MAP7: variants seen among roughly 807,000 people sequenced by gnomAD.
The protein encoded by MAP7 is microtubule associated protein 7, also known as ensconsin.
Under a neutral mutation model 94.8 loss-of-function variants are expected in MAP7, and 52 were observed. The observed-to-expected ratio is 0.55, with a 90% confidence interval of 0.44 to 0.69. The LOEUF (loss-of-function observed/expected upper bound fraction) is 0.69, where lower values mean the gene tolerates loss of function less well. MAP7 is among the 30% of genes least tolerant of loss of function. MAP7 has a pLI of 0.00. For missense variants in MAP7, 940 were observed against 964.6 expected (o/e 0.97, Z 0.34); for synonymous variants, 350 against 357.0 (o/e 0.98, Z 0.22).
At chr6:136,412,979 G>A (rs1004550681) in intron 2 of MAP7, among the ~76,000 whole-genome samples, 3 of 151,910 alleles carry the variant, frequency 2.0e-5, no homozygotes, top group Non-Finnish European at 2.9e-5. Context: ...TGAGCAACAC[G>A]GTGAAACCGT....
intron 1 of MAP7, among the ~76,000 whole-genome samples, chr6:136,423,831 T>C (rs1792282371): frequency 6.6e-6 from 1 of 151,676 alleles, no homozygotes; most frequent in Non-Finnish European, 1.5e-5. Context: ...GTTTCGCTCT[T>C]GTTGCCCAGG....
At chr6:136,397,687 C>T (rs893942896) in intron 3 of MAP7, among the ~76,000 whole-genome samples, 1 of 152,104 alleles carries the variant, frequency 6.6e-6, no homozygotes, top group African/African-American at 2.4e-5. Flanking sequence ...GAAGAGAGCC[C>T]TCAACAGAAG....
chr6:136,542,578 A>G (rs1389116368), intron 1 of MAP7, among the ~76,000 whole-genome samples: 1 of 152,228 alleles, frequency 6.6e-6, no homozygotes, highest in Non-Finnish European at 1.5e-5. Context: ...AACAGAGACC[A>G]TTAAGGAGGA....
intron 1 of MAP7, among the ~76,000 whole-genome samples, chr6:136,427,037 C>T (rs1022371876): frequency 1.3e-5 from 2 of 152,270 alleles, no homozygotes; most frequent in Non-Finnish European, 1.5e-5. Context: ...GGTTCTTCCA[C>T]TTACCCGTAT....
At chr6:136,505,967 G>T (rs1000426922) in intron 1 of MAP7, among the ~76,000 whole-genome samples, 1 of 152,052 alleles carries the variant, frequency 6.6e-6, no homozygotes, top group Non-Finnish European at 1.5e-5. Context: ...TAAACATGCT[G>T]ATGTAACAAA....
chr6:136,447,481 C>T (rs1460659933), intron 1 of MAP7, among the ~76,000 whole-genome samples: 2 of 64,764 alleles, frequency 3.1e-5, no homozygotes, highest in African/African-American at 7.3e-5. Context: ...ATTTATGTTA[C>T]TGCATTATGC....
intron 3 of MAP7, among the ~76,000 whole-genome samples, chr6:136,391,519 T>A (rs2128669374): frequency 6.7e-6 from 1 of 148,170 alleles, no homozygotes; most frequent in South Asian, 2.2e-4. Context: ...ACCTGCACAA[T>A]GTGCACATGT....
At chr6:136,372,336 C>CACT (rs1774779735) in intron 8 of MAP7, among the ~76,000 whole-genome samples, 165 bp downstream of exon 8, 1 of 152,146 alleles carries the variant, frequency 6.6e-6, no homozygotes, top group South Asian at 2.1e-4. Context: ...AGTGAGGGGA[C>CACT]ACTACTGCCC....
intron 1 of MAP7, among the ~76,000 whole-genome samples, chr6:136,501,578 C>T (rs1368458725): frequency 2.0e-5 from 3 of 152,116 alleles, no homozygotes. Context: ...ATTTTCCCTT[C>T]CACTCCTGTC....
At chr6:136,488,605 C>T (rs1336677815) in intron 1 of MAP7, among the ~76,000 whole-genome samples, 3 of 151,874 alleles carry the variant, frequency 2.0e-5, no homozygotes, top group Non-Finnish European at 4.4e-5. Context: ...CCACCACGCC[C>T]AGCTAATTTT....
chr6:136,526,642 A>G, intron 1 of MAP7: 1 of 985,540 alleles, frequency 1.0e-6, no homozygotes, highest in Non-Finnish European at 1.2e-6. Flanking sequence ...TCTTCCTCTC[A>G]GCGGCAGCGC....
At chr6:136,491,977 G>A (rs969294681) in intron 1 of MAP7, among the ~76,000 whole-genome samples, 1 of 152,172 alleles carries the variant, frequency 6.6e-6, no homozygotes, top group Non-Finnish European at 1.5e-5. Flanking sequence ...GGGAGAGCGG[G>A]GGGAAATACA....
intron 2 of MAP7, among the ~76,000 whole-genome samples, chr6:136,414,704 T>A (rs1582843749): frequency 6.6e-6 from 1 of 152,118 alleles, no homozygotes; most frequent in Non-Finnish European, 1.5e-5. Flanking sequence ...TGCAGTGGTA[T>A]GATCATGGCT....
chr6:136,507,891 T>C (rs1822060617), intron 1 of MAP7, among the ~76,000 whole-genome samples: 1 of 152,198 alleles, frequency 6.6e-6, no homozygotes, highest in Admixed American at 6.5e-5. Flanking sequence ...TTTTAACTCC[T>C]ACACCGTATG....
rs1156527948 is a variant in MAP7, at chr6:136,381,877, TACACACAC to T, written c.637+1786_637+1793del. ...CTCTACTCCTTACCACTTCTAACCT[TACACACAC>T]ACACACACACACACACACACACACA... On this transcript the variant is annotated intron_variant, in intron 6 of 17. Coordinates refer to ENST00000354570, the MANE Select transcript of MAP7 (RefSeq NM_003980.6). Among the ~76,000 whole-genome samples, 709 of 93,026 alleles carry T rather than the reference TACACACAC, an allele frequency of 7.6e-3. 6 individuals are homozygous for T. The highest frequency in any genetic ancestry group is 0.024 in the African/African-American group (509 of 21,068). 61.0% of individuals were successfully genotyped at this position (93,026 alleles called of 152,430 possible).
At chr6:136,527,218 T>C (rs929790541) in intron 1 of MAP7, among the ~76,000 whole-genome samples, 2 of 152,186 alleles carry the variant, frequency 1.3e-5, no homozygotes, top group Non-Finnish European at 2.9e-5. Context: ...TGTTTTCTCC[T>C]GAAATAAGCT....
At chr6:136,542,567 G>A (rs1157748822) in intron 1 of MAP7, among the ~76,000 whole-genome samples, 1 of 152,168 alleles carries the variant, frequency 6.6e-6, no homozygotes, top group African/African-American at 2.4e-5. Flanking sequence ...CAAGGGATTA[G>A]AACAGAGACC....
rs1779756128 is a variant in MAP7 at position 136,388,411 on chromosome 6, G to C, written c.508C>G (p.Pro170Ala). The C allele has an allele frequency of 1.2e-6, 2 of 1,613,706 alleles. No homozygotes were observed. The highest frequency in any genetic ancestry group is 1.3e-5 in the African/African-American group (1 of 74,864). ...WSWGGSLHGS[P>A]SIHSADPDRR... ...TGTTTACCTGCACTGTGGATGCTAGGGCTCCCATGGAGAGAGCCTCCCCAC... is the reference window on the plus strand; with the variant it reads ...TGTTTACCTGCACTGTGGATGCTAGCGCTCCCATGGAGAGAGCCTCCCCAC... The change falls in exon 5 of 18, where the codon CCT (proline) becomes GCT (alanine). Residue 170 changes from proline to alanine, a missense_variant. Pro to Ala is a conservative substitution (Grantham distance 27). Coordinates refer to ENST00000354570, the MANE Select transcript of MAP7 (RefSeq NM_003980.6).
At chr6:136,533,878 C>G (rs1343271030) in intron 1 of MAP7, among the ~76,000 whole-genome samples, 1 of 152,174 alleles carries the variant, frequency 6.6e-6, no homozygotes, top group African/African-American at 2.4e-5. Context: ...CATTGGATGT[C>G]ATATTTCAAC....
Sources: allele counts gnomAD v4.1 joint callset (sites outside exome capture counted in the v4.1 genomes callset), GRCh38; gene constraint gnomAD v4.1.1; transcripts MANE v1.5; gene names NCBI Gene and HGNC (gene_info 2026-07-23, HGNC 2026-07-21).